Variants in CELF4 observed in about 807,000 individuals in gnomAD.
The protein encoded by CELF4 is CUG-BP- and ETR-3-like factor 4.
Under a neutral mutation model 59.9 loss-of-function variants are expected in CELF4, and 18 were observed. The ratio of observed to expected loss-of-function variants is 0.30; its 90% CI spans 0.21 to 0.45. The LOEUF (loss-of-function observed/expected upper bound fraction) is 0.45. CELF4 is among the 20% of genes least tolerant of loss of function. The probability of loss-of-function intolerance (pLI) is 1.00; values close to 1 mark genes in which losing one functional copy is unlikely to be tolerated. For missense variants in CELF4, 456 were observed against 689.0 expected (o/e 0.66, Z 3.79); for synonymous variants, 261 against 267.1 (o/e 0.98, Z 0.22).
chr18:37,320,620 C>T (rs1008169720), intron 3 of CELF4, among the ~76,000 whole-genome samples: 6 of 152,148 alleles, frequency 3.9e-5, no homozygotes, highest in African/African-American at 1.4e-4. Context: ...AGTCTCTACT[C>T]GGGGGTCCTT....
At chr18:37,474,054 C>T (rs954981321) in intron 2 of CELF4, 5 of 152,176 alleles carry the variant, frequency 3.3e-5, no homozygotes, top group Non-Finnish European at 7.3e-5. Context: ...CAATGCCCTC[C>T]GACAGCAGTG....
chr18:37,250,320 G>A (rs1600075578), intron 12 of CELF4, among the ~76,000 whole-genome samples: 1 of 152,294 alleles, frequency 6.6e-6, no homozygotes, highest in South Asian at 2.1e-4. Context: ...AGGAAGGAGA[G>A]TCACTGACTC....
intron 1 of CELF4, among the ~76,000 whole-genome samples, chr18:37,522,202 C>G (rs956916697): frequency 2.0e-5 from 3 of 152,044 alleles, no homozygotes; most frequent in Admixed American, 2.0e-4. Flanking sequence ...TAAATGAGTC[C>G]CACCTCCTCC....
At chr18:37,388,793 C>T (rs937555191) in intron 2 of CELF4, among the ~76,000 whole-genome samples, 3 of 152,132 alleles carry the variant, frequency 2.0e-5, no homozygotes, top group Admixed American at 2.0e-4. Context: ...CAGTCTAAGC[C>T]CCGACACCCT....
chr18:37,256,826 C>T (rs1160284272), intron 11 of CELF4, among the ~76,000 whole-genome samples: 1 of 152,210 alleles, frequency 6.6e-6, no homozygotes, highest in East Asian at 1.9e-4. Flanking sequence ...CTCAAGTGAT[C>T]TGCCCGCCTC....
intron 2 of CELF4, among the ~76,000 whole-genome samples, chr18:37,469,056 A>G (rs2099815266): frequency 6.6e-6 from 1 of 152,192 alleles, no homozygotes; most frequent in South Asian, 2.1e-4. Context: ...TCCTGGGGCC[A>G]TCTTCCCAGC....
chr18:37,317,609 G>A (rs957181148), intron 3 of CELF4, among the ~76,000 whole-genome samples: 1 of 152,084 alleles, frequency 6.6e-6, no homozygotes, highest in African/African-American at 2.4e-5. Context: ...CCTGGTGCTT[G>A]CTCCAGCCAA....
At chr18:37,399,147 T>C (rs2099285737) in intron 2 of CELF4, among the ~76,000 whole-genome samples, 2 of 152,160 alleles carry the variant, frequency 1.3e-5, no homozygotes, top group African/African-American at 4.8e-5. Flanking sequence ...CTGCTGTGGT[T>C]TGAATGTTTG....
At chr18:37,502,302 A>T (rs1008323366) in intron 1 of CELF4, among the ~76,000 whole-genome samples, 1 of 152,086 alleles carries the variant, frequency 6.6e-6, no homozygotes, top group Non-Finnish European at 1.5e-5. Flanking sequence ...CGGCTCTCCA[A>T]GACGAAATTT....
chr18:37,427,333 C>T (rs1422480664), intron 2 of CELF4, among the ~76,000 whole-genome samples: 1 of 152,130 alleles, frequency 6.6e-6, no homozygotes, highest in Non-Finnish European at 1.5e-5. Context: ...ACAACAGGGG[C>T]CCCCTCCCAA....
chr18:37,346,348 A>T (rs1231076560), intron 2 of CELF4, among the ~76,000 whole-genome samples: 1 of 152,182 alleles, frequency 6.6e-6, no homozygotes, highest in Non-Finnish European at 1.5e-5. Flanking sequence ...CCCAGGGGGA[A>T]AAAAGAGCTC....
chr18:37,313,770 T>G (rs998140773), intron 3 of CELF4, among the ~76,000 whole-genome samples: 2 of 152,206 alleles, frequency 1.3e-5, no homozygotes, highest in Non-Finnish European at 2.9e-5. Context: ...CAGGAACCGA[T>G]AGGGCTACAG....
Position 37,402,654 on chromosome 18 carries a change from A to G in CELF4, c.370-80773T>C, listed in dbSNP as rs2099344861. The stretch of plus-strand genomic sequence containing the variant: ...GAAAAGGTGAAAGAGAAAGACAAAA[A>G]GTAAGCCAAAGAGTAAGTAAAAGTT... On this transcript the variant is annotated intron_variant, in intron 2 of 12. Coordinates refer to ENST00000420428, the MANE Select transcript of CELF4 (RefSeq NM_020180.4). 1.3e-5 allele frequency among the ~76,000 whole-genome samples: 2 copies of G among 152,202 alleles called. 1 individual carries two copies. The highest frequency in any genetic ancestry group is 4.1e-4 in the South Asian group (2 of 4,832).
At chr18:37,512,809 C>T (rs1490508233) in intron 1 of CELF4, among the ~76,000 whole-genome samples, 1 of 151,808 alleles carries the variant, frequency 6.6e-6, no homozygotes, top group African/African-American at 2.4e-5. Context: ...ACTTTCCTTT[C>T]TCCTCTTGTT....
chr18:37,548,606 G>A (rs1396476780), intron 1 of CELF4, among the ~76,000 whole-genome samples: 1 of 152,184 alleles, frequency 6.6e-6, no homozygotes, highest in Non-Finnish European at 1.5e-5. Flanking sequence ...GTGCTGATAG[G>A]GGTGCTGGCC....
chr18:37,426,381 G>T (rs1306367037), intron 2 of CELF4, among the ~76,000 whole-genome samples: 1 of 152,180 alleles, frequency 6.6e-6, no homozygotes, highest in Admixed American at 6.5e-5. Context: ...CTAGGAGTTG[G>T]TGGCTAGGCC....
At chr18:37,427,747 A>G (rs1285808640) in intron 2 of CELF4, among the ~76,000 whole-genome samples, 1 of 152,058 alleles carries the variant, frequency 6.6e-6, no homozygotes, top group Non-Finnish European at 1.5e-5. Context: ...GGCCTTGATC[A>G]CCTCCTCTCA....
intron 2 of CELF4, among the ~76,000 whole-genome samples, chr18:37,464,150 T>C (rs117181276): frequency 0.012 from 1,832 of 152,260 alleles, 23 homozygotes; most frequent in East Asian, 0.064. Flanking sequence ...TAGCGGTGCA[T>C]AATTAGTTTC....
At chr18:37,485,253 C>G (rs985670237) in intron 2 of CELF4, among the ~76,000 whole-genome samples, 1 of 151,888 alleles carries the variant, frequency 6.6e-6, no homozygotes, top group Non-Finnish European at 1.5e-5. Context: ...AGGCAGCTCC[C>G]GCTCCGGGGA....
Sources: allele counts gnomAD v4.1 joint callset (sites outside exome capture counted in the v4.1 genomes callset), GRCh38; gene constraint gnomAD v4.1.1; transcripts MANE v1.5; gene names NCBI Gene and HGNC (gene_info 2026-07-23, HGNC 2026-07-21).